The following TBC1D5 variants were observed in gnomAD, a reference collection of about 807,000 sequenced individuals.
TBC1D5 encodes the protein TBC1 domain family member 5.
A neutral mutation model predicts 100.3 loss-of-function variants in TBC1D5; 75 were observed. That is an observed-to-expected ratio of 0.75 (90% CI 0.62 to 0.91). The LOEUF is 0.91. Ranked by LOEUF, TBC1D5 falls within the 40% of genes least tolerant of loss-of-function variation. TBC1D5 has a pLI of 0.00. For synonymous variants in TBC1D5, 323 were observed against 325.6 expected, an observed-to-expected ratio of 0.99 and a Z score of 0.09; for missense variants, 910 against 942.4, an observed-to-expected ratio of 0.97 and a Z score of 0.45.
chr3:17,737,418 T>G (rs182645099), intron 1 of TBC1D5, among the ~76,000 whole-genome samples: 1 of 152,348 alleles, frequency 6.6e-6, no homozygotes, highest in East Asian at 1.9e-4. Context: ...TTTTGCAGTA[T>G]CTCTCAAGGC....
intron 1 of TBC1D5, among the ~76,000 whole-genome samples, chr3:17,654,111 A>T (rs1032773018): frequency 2.0e-5 from 3 of 152,178 alleles, no homozygotes; most frequent in African/African-American, 7.2e-5. Context: ...AGCAGACTTC[A>T]AAATTAAAAC....
At chr3:17,497,129 CACACACA>C (rs879926750) in intron 3 of TBC1D5, among the ~76,000 whole-genome samples, 2,656 of 143,886 alleles carry the variant, frequency 0.018, 41 homozygotes, top group South Asian at 0.033. Context: ...CACACACACA[CACACACA>C]CCATCCTTGT....
chr3:17,531,994 T>C (rs1261360443), intron 2 of TBC1D5, among the ~76,000 whole-genome samples: 1 of 152,148 alleles, frequency 6.6e-6, no homozygotes, highest in African/African-American at 2.4e-5. Flanking sequence ...TGGGATCTAA[T>C]TAAACTAAAG....
Position 17,343,179 on chromosome 3 carries a change from G to A in TBC1D5, c.995+28896C>T, listed in dbSNP as rs575648423. Among the ~76,000 whole-genome samples the A allele has an allele frequency of 3.9e-3, 519 of 131,788 alleles. 2 individuals are homozygous for A. The highest frequency in any genetic ancestry group is 0.012 in the African/African-American group (443 of 36,806). 86.5% of individuals were successfully genotyped at this position (131,788 alleles called of 152,430 possible). ...TTATTGAGAGTTTTTAGCATGAAGC[G>A]TTGTTGAATTTTGTCAAAGGCCTTT... is the stretch of plus-strand genomic sequence containing the variant. On this transcript the variant is annotated intron_variant, in intron 13 of 21. Transcript: ENST00000253692.
intron 2 of TBC1D5, among the ~76,000 whole-genome samples, chr3:17,562,446 A>G (rs536477541): frequency 9.9e-5 from 15 of 152,102 alleles, no homozygotes; most frequent in Non-Finnish European, 2.1e-4. Context: ...AATAGTGTCT[A>G]TAACTATTCA....
intron 15 of TBC1D5, among the ~76,000 whole-genome samples, chr3:17,286,789 A>G (rs890038489): frequency 1.3e-5 from 2 of 152,214 alleles, no homozygotes; most frequent in African/African-American, 4.8e-5. Flanking sequence ...CAGCTCCTGC[A>G]TGGAAAGGTG....
intron 1 of TBC1D5, among the ~76,000 whole-genome samples, chr3:17,686,405 A>G (rs959442452): frequency 3.3e-5 from 5 of 152,190 alleles, no homozygotes; most frequent in African/African-American, 7.2e-5. Context: ...GACACACTGA[A>G]GGGACTACAT....
At chr3:17,640,657 G>A (rs944409043) in intron 1 of TBC1D5, among the ~76,000 whole-genome samples, 5 of 151,902 alleles carry the variant, frequency 3.3e-5, no homozygotes, top group African/African-American at 1.2e-4. Flanking sequence ...AGTCATCAAA[G>A]ACTACTACTC....
chr3:17,541,566 T>C (rs1350817487), intron 2 of TBC1D5, among the ~76,000 whole-genome samples: 1 of 152,210 alleles, frequency 6.6e-6, no homozygotes, highest in Non-Finnish European at 1.5e-5. Context: ...CTGAATTCAT[T>C]CACTAGGTTT....
chr3:17,722,480 T>A (rs1002806499), intron 1 of TBC1D5, among the ~76,000 whole-genome samples: 1 of 152,220 alleles, frequency 6.6e-6, no homozygotes, highest in Admixed American at 6.5e-5. Flanking sequence ...ACAGGTCAGG[T>A]TTGATATTTT....
chr3:17,661,091 A>C (rs1010057585), intron 1 of TBC1D5, among the ~76,000 whole-genome samples: 1 of 152,206 alleles, frequency 6.6e-6, no homozygotes, highest in Non-Finnish European at 1.5e-5. Context: ...TTTCTGAATA[A>C]AGAAAAATTC....
chr3:17,166,706 G>A, intron 21 of TBC1D5, 61 bp downstream of exon 22: 1 of 1,551,986 alleles, frequency 6.4e-7, no homozygotes, highest in South Asian at 1.2e-5. Context: ...TTAACTTTGA[G>A]GAACTTATGT....
rs200967019 is a variant in TBC1D5, at chr3:17,214,383, T to A, written c.1589-13A>T. On this transcript the variant is annotated splice_polypyrimidine_tract_variant and intron_variant, in intron 17 of 21. Transcript: ENST00000253692. ...TTAGAACTTAGCCCTGTAAGAAAAA[T>A]TAAGTAGCAATAATGAAACACCAGA... 1.2e-5 allele frequency: 20 copies of A among 1,607,056 alleles called. No homozygotes were observed. Among genetic ancestry groups the A allele is most frequent in the Non-Finnish European group, 1.5e-5 (18 of 1,178,080 alleles).
At position 17,441,638 on chromosome 3, in the gene TBC1D5, T is replaced by C. The variant is rs550324010; in HGVS notation, c.98-13119A>G. On this transcript the variant is annotated intron_variant, in intron 3 of 21. Coordinates refer to ENST00000253692, the Ensembl canonical transcript of TBC1D5. ...CTTATGGTTTTAATGGGAGGAAGTC[T>C]GGATTTTGAAACTACAATGAGAAGC... Among the ~76,000 whole-genome samples, 3 of 152,296 alleles carry C rather than the reference T, an allele frequency of 2.0e-5. No individual in the cohort carries two copies. In the South Asian group the frequency reaches 6.2e-4, roughly 32 times the overall value.
intron 16 of TBC1D5, among the ~76,000 whole-genome samples, chr3:17,243,295 T>G (rs2076457769): frequency 6.6e-6 from 1 of 152,164 alleles, no homozygotes; most frequent in Non-Finnish European, 1.5e-5. Context: ...ACCTGAAGAA[T>G]GAAAATATGT....
At chr3:17,691,826 CAA>C (rs1273079675) in intron 1 of TBC1D5, among the ~76,000 whole-genome samples, 15 of 58,482 alleles carry the variant, frequency 2.6e-4, no homozygotes, top group Non-Finnish European at 3.3e-4. Context: ...TCCGTCTCAA[CAA>C]AAAAAAAAAA....
At chr3:17,530,616 G>A (rs1018067716) in intron 2 of TBC1D5, among the ~76,000 whole-genome samples, 2 of 152,080 alleles carry the variant, frequency 1.3e-5, no homozygotes, top group Non-Finnish European at 2.9e-5. Context: ...ATATTTTCTT[G>A]AAAATTAAGT....
At chr3:17,354,402 C>T (rs182365288) in intron 13 of TBC1D5, among the ~76,000 whole-genome samples, 1 of 152,228 alleles carries the variant, frequency 6.6e-6, no homozygotes, top group East Asian at 1.9e-4. Flanking sequence ...GTATACTTTA[C>T]ACCTTCTTTT....
chr3:17,460,689 A>G (rs1263971759), intron 3 of TBC1D5, among the ~76,000 whole-genome samples: 1 of 151,774 alleles, frequency 6.6e-6, no homozygotes, highest in Non-Finnish European at 1.5e-5. Flanking sequence ...GCATAGGCCC[A>G]CTCTTGCATA....
Sources: allele counts gnomAD v4.1 joint callset (sites outside exome capture counted in the v4.1 genomes callset), GRCh38; gene constraint gnomAD v4.1.1; transcripts MANE v1.5; gene names NCBI Gene and HGNC (gene_info 2026-07-23, HGNC 2026-07-21).